TEX36: variants seen among roughly 807,000 people sequenced by gnomAD.
TEX36 encodes testis-expressed protein 36.
TEX36 carries 12 observed loss-of-function variants against 13.6 expected under a neutral mutation model. The observed-to-expected ratio is 0.88, with a 90% confidence interval of 0.56 to 1.43. The LOEUF (loss-of-function observed/expected upper bound fraction) is 1.43, where lower values mean the gene tolerates loss of function less well. TEX36 is among the 40% of genes most tolerant of loss of function. The probability of loss-of-function intolerance (pLI) is 0.00; values close to 1 mark genes in which losing one functional copy is unlikely to be tolerated. For synonymous variants in TEX36, 93 were observed against 83.0 expected (o/e 1.12, Z -0.65); for missense variants, 224 against 228.3 (o/e 0.98, Z 0.12).
intron 3 of TEX36, among the ~76,000 whole-genome samples, chr10:125,649,467 C>G (rs890976409): frequency 6.6e-6 from 1 of 152,160 alleles, no homozygotes; most frequent in Non-Finnish European, 1.5e-5. Flanking sequence ...ATTTTCTCAC[C>G]ACCAGGCCTG....
intron 3 of TEX36, among the ~76,000 whole-genome samples, chr10:125,615,120 G>A (rs1846339820): frequency 6.6e-6 from 1 of 152,114 alleles, no homozygotes; most frequent in Non-Finnish European, 1.5e-5. Flanking sequence ...TGTGATTTTT[G>A]TACATTGATT....
intron 3 of TEX36, 114 bp downstream of exon 3, chr10:125,660,907 G>T (rs895577623): frequency 9.9e-6 from 9 of 906,896 alleles, no homozygotes. Context: ...ACCTCGCTTT[G>T]TTTTGACCTT....
downstream of TEX36, among the ~76,000 whole-genome samples, chr10:125,651,636 G>A: frequency 6.6e-6 from 1 of 152,296 alleles, no homozygotes; most frequent in Admixed American, 6.5e-5. Context: ...AGTGTTGGAA[G>A]TTCTGGCCAG....
chr10:125,654,683 T>C (rs1292214613), downstream of TEX36, among the ~76,000 whole-genome samples: 1 of 152,228 alleles, frequency 6.6e-6, no homozygotes, highest in Non-Finnish European at 1.5e-5. Flanking sequence ...TGGGAAAAGA[T>C]ACTCAACTTC....
intron 3 of TEX36, among the ~76,000 whole-genome samples, chr10:125,633,447 T>C (rs1186727531): frequency 1.3e-5 from 2 of 152,212 alleles, no homozygotes; most frequent in Non-Finnish European, 2.9e-5. Context: ...TAGCTAATTG[T>C]TTTACCAATC....
intron 1 of TEX36, among the ~76,000 whole-genome samples, chr10:125,665,359 A>G (rs1022996183): frequency 1.3e-5 from 2 of 151,988 alleles, no homozygotes; most frequent in Admixed American, 1.3e-4. Flanking sequence ...GTTTTCTTCT[A>G]GTGTTTTTTA....
downstream of TEX36, among the ~76,000 whole-genome samples, chr10:125,618,085 C>T (rs1846381417): frequency 6.6e-6 from 1 of 152,192 alleles, no homozygotes; most frequent in Non-Finnish European, 1.5e-5. Context: ...GCATCGGCTC[C>T]TGAGGCTTCT....
intron 1 of TEX36, among the ~76,000 whole-genome samples, chr10:125,676,877 A>T (rs1847321639): frequency 6.6e-6 from 1 of 152,164 alleles, no homozygotes; most frequent in Admixed American, 6.5e-5. Flanking sequence ...ATTTCTCAAA[A>T]GGTCAATCTA....
intron 3 of TEX36, among the ~76,000 whole-genome samples, chr10:125,625,943 C>A (rs1267471104): frequency 1.3e-5 from 2 of 152,216 alleles, no homozygotes; most frequent in East Asian, 1.9e-4. Flanking sequence ...CCGAGGTGTG[C>A]CGCCCAGACC....
chr10:125,633,612 T>C (rs1268091337), intron 3 of TEX36, among the ~76,000 whole-genome samples: 1 of 152,164 alleles, frequency 6.6e-6, no homozygotes, highest in Non-Finnish European at 1.5e-5. Context: ...GGCTTTTTAG[T>C]TGCAAACACC....
exon 4 of TEX36, chr10:125,576,614 C>T: frequency 8.0e-7 from 1 of 1,246,708 alleles, no homozygotes. Context: ...ATTTATTTTT[C>T]CAAGAATGCT....
intron 3 of TEX36, among the ~76,000 whole-genome samples, chr10:125,641,532 C>T (rs961319870): frequency 6.6e-6 from 1 of 152,184 alleles, no homozygotes; most frequent in Admixed American, 6.5e-5. Context: ...TAGACAGCCT[C>T]GCTATGAAAC....
chr10:125,611,476 A>T (rs557338405), intron 3 of TEX36, among the ~76,000 whole-genome samples: 3 of 152,306 alleles, frequency 2.0e-5, no homozygotes, highest in Non-Finnish European at 4.4e-5. Context: ...AATATTTTTT[A>T]GATGTTTATT....
chr10:125,607,391 A>C (rs1470950637), intron 3 of TEX36, among the ~76,000 whole-genome samples: 2 of 152,232 alleles, frequency 1.3e-5, no homozygotes, highest in Non-Finnish European at 2.9e-5. Flanking sequence ...ATGAAAGAGA[A>C]CAGACTGCCT....
intron 3 of TEX36, among the ~76,000 whole-genome samples, chr10:125,601,695 C>A (rs1442681067): frequency 6.6e-6 from 1 of 152,240 alleles, no homozygotes; most frequent in Admixed American, 6.5e-5. Context: ...AGGGCCCCCA[C>A]CTACCCTCAA....
chr10:125,576,973 C>G (rs1485932341), intron 3 of TEX36: 25 of 1,465,300 alleles, frequency 1.7e-5, no homozygotes, highest in Middle Eastern at 2.0e-4. Context: ...TTCTCCCTGC[C>G]CAAGCTTTAA....
intron 1 of TEX36, among the ~76,000 whole-genome samples, chr10:125,672,551 C>G (rs561751644): frequency 2.0e-5 from 3 of 152,250 alleles, no homozygotes; most frequent in East Asian, 3.9e-4. Flanking sequence ...TACTTCCCAT[C>G]ATGTGATCAG....
At chr10:125,597,401 G>T (rs1460102168) in intron 3 of TEX36, among the ~76,000 whole-genome samples, 2 of 152,190 alleles carry the variant, frequency 1.3e-5, no homozygotes, top group Non-Finnish European at 2.9e-5. Context: ...TTATTACAGG[G>T]TGCTGAGCAA....
intron 3 of TEX36, among the ~76,000 whole-genome samples, chr10:125,627,161 T>C (rs906627468): frequency 6.6e-6 from 1 of 152,218 alleles, no homozygotes; most frequent in Non-Finnish European, 1.5e-5. Flanking sequence ...TAAATACATG[T>C]AAGTGAGATG....
Sources: allele counts gnomAD v4.1 joint callset (sites outside exome capture counted in the v4.1 genomes callset), GRCh38; gene constraint gnomAD v4.1.1; transcripts MANE v1.5; gene names NCBI Gene and HGNC (gene_info 2026-07-23, HGNC 2026-07-21).